TMEM132B: variants seen among roughly 807,000 people sequenced by gnomAD.
TMEM132B encodes the protein transmembrane protein 132B.
In TMEM132B, 18 loss-of-function variants were observed where a neutral mutation model predicts 90.8. That is an observed-to-expected ratio of 0.20 (90% CI 0.14 to 0.29). The LOEUF is 0.29. Among genes scored for constraint, TMEM132B ranks in the 10% least tolerant of loss-of-function variants. The pLI, the probability that TMEM132B is intolerant of heterozygous loss-of-function variation, is 1.00. For synonymous variants in TMEM132B, 504 were observed against 523.3 expected (o/e 0.96, Z 0.50); for missense variants, 1,096 against 1,326.8 (o/e 0.83, Z 2.70).
intron 8 of TMEM132B, among the ~76,000 whole-genome samples, 164 bp downstream of exon 8, chr12:125,652,796 A>C (rs998658222): frequency 2.6e-5 from 4 of 152,254 alleles, no homozygotes; most frequent in African/African-American, 7.2e-5. Flanking sequence ...AAAAGTATTC[A>C]GTGGCTTAGA....
intron 1 of TMEM132B, among the ~76,000 whole-genome samples, chr12:125,243,630 A>C (rs1341508425): frequency 6.6e-6 from 1 of 152,072 alleles, no homozygotes; most frequent in African/African-American, 2.4e-5. Flanking sequence ...GGTGATGTTG[A>C]GGTTTTGAGT....
At chr12:125,486,277 A>G (rs1882199886) in intron 3 of TMEM132B, among the ~76,000 whole-genome samples, 1 of 152,172 alleles carries the variant, frequency 6.6e-6, no homozygotes, top group Admixed American at 6.6e-5. Flanking sequence ...ATTTTGTATC[A>G]TATTATTAGT....
At position 125,238,705 on chromosome 12, in the gene TMEM132B, C is replaced by T. The variant is rs371434093; in HGVS notation, c.67+51839C>T. On this transcript the variant is annotated intron_variant, in intron 1 of 8. Coordinates refer to ENST00000682704, the MANE Select transcript of TMEM132B (RefSeq NM_001366854.1). Reference sequence around the variant, plus strand: ...CCGTGACAGGTGGGGCGGTCAGCACCGACGTTTCACCCACATGGGACGTTT... The same window carrying T: ...CCGTGACAGGTGGGGCGGTCAGCACTGACGTTTCACCCACATGGGACGTTT... 4.9e-4 allele frequency among the ~76,000 whole-genome samples: 74 copies of T among 152,122 alleles called. No individual in the cohort carries two copies. The South Asian group carries it at 0.014, about 30-fold the overall frequency.
At chr12:125,309,569 C>T (rs555211175) in intron 1 of TMEM132B, among the ~76,000 whole-genome samples, 68 of 152,166 alleles carry the variant, frequency 4.5e-4, no homozygotes, top group African/African-American at 7.9e-4. Flanking sequence ...TTTCCATTCT[C>T]GGGGGAAATG....
intron 3 of TMEM132B, among the ~76,000 whole-genome samples, chr12:125,517,087 AG>A (rs574406311): frequency 4.6e-5 from 7 of 152,216 alleles, no homozygotes; most frequent in Non-Finnish European, 1.0e-4. Context: ...CCTGATGGGA[AG>A]GGGGGTCCCA....
At chr12:125,211,679 G>A (rs1211189813) in intron 1 of TMEM132B, among the ~76,000 whole-genome samples, 2 of 152,206 alleles carry the variant, frequency 1.3e-5, no homozygotes, top group African/African-American at 4.8e-5. Context: ...CCTTCCACCC[G>A]CTGCACACGG....
At chr12:125,330,000 C>T (rs1160672119) in intron 1 of TMEM132B, among the ~76,000 whole-genome samples, 1 of 152,220 alleles carries the variant, frequency 6.6e-6, no homozygotes, top group Non-Finnish European at 1.5e-5. Context: ...AATGCAGTAG[C>T]CCTGCTGGCA....
chr12:125,352,051 G>A (rs1369508399), intron 2 of TMEM132B, among the ~76,000 whole-genome samples: 1 of 152,206 alleles, frequency 6.6e-6, no homozygotes, highest in Non-Finnish European at 1.5e-5. Context: ...GCTCCCCCAA[G>A]TAAATCTGTT....
intron 5 of TMEM132B, among the ~76,000 whole-genome samples, chr12:125,611,851 T>C (rs548204946): frequency 6.6e-6 from 1 of 152,314 alleles, no homozygotes; most frequent in South Asian, 2.1e-4. Flanking sequence ...AGCATTTTCC[T>C]TGTACACTTA....
intron 3 of TMEM132B, among the ~76,000 whole-genome samples, chr12:125,434,096 C>G (rs1045987066): frequency 6.6e-6 from 1 of 152,230 alleles, no homozygotes; most frequent in African/African-American, 2.4e-5. Context: ...AGAGTTGCCT[C>G]CCTCCTGACA....
intron 1 of TMEM132B, among the ~76,000 whole-genome samples, chr12:125,279,489 C>G (rs1210030780): frequency 1.3e-5 from 2 of 152,164 alleles, no homozygotes; most frequent in Non-Finnish European, 2.9e-5. Flanking sequence ...TGTGACTAGT[C>G]CCCAATACAA....
intron 5 of TMEM132B, among the ~76,000 whole-genome samples, chr12:125,600,453 T>C (rs375946229): frequency 7.9e-5 from 12 of 152,216 alleles, no homozygotes; most frequent in African/African-American, 2.9e-4. Flanking sequence ...CGTTTGCTTG[T>C]CAACTTGTTA....
intron 3 of TMEM132B, among the ~76,000 whole-genome samples, chr12:125,474,397 G>C (rs996800481): frequency 6.6e-6 from 1 of 151,464 alleles, no homozygotes; most frequent in South Asian, 2.1e-4. Flanking sequence ...CTGGGCTCCA[G>C]TGATTCTCAC....
chr12:125,457,555 C>T (rs1416112784), intron 3 of TMEM132B, among the ~76,000 whole-genome samples: 2 of 152,228 alleles, frequency 1.3e-5, no homozygotes, highest in Non-Finnish European at 2.9e-5. Context: ...AATGCAATTC[C>T]TGTTCTCCAT....
chr12:125,329,456 G>A lies in TMEM132B; in HGVS notation c.68-19996G>A, dbSNP rs1277956079. On this transcript the variant is annotated intron_variant, in intron 1 of 8. Transcript: ENST00000682704. ...GCTGAGTCACTCACCAGGCAGCCCA[G>A]CCAGGCAAGAGGCAGGCTGACTTTC... Among the ~76,000 whole-genome samples the A allele has an allele frequency of 2.0e-5, 3 of 152,186 alleles. No homozygotes were observed. In the East Asian group the frequency reaches 5.8e-4, roughly 29 times the overall value.
chr12:125,434,224 G>A (rs117959696), intron 3 of TMEM132B, among the ~76,000 whole-genome samples: 1 of 152,070 alleles, frequency 6.6e-6, no homozygotes, highest in Non-Finnish European at 1.5e-5. Flanking sequence ...CTCATTCTCC[G>A]ACCCTGACGC....
chr12:125,614,318 A>G (rs1885933925), intron 5 of TMEM132B, among the ~76,000 whole-genome samples: 1 of 152,142 alleles, frequency 6.6e-6, no homozygotes, highest in African/African-American at 2.4e-5. Context: ...ACTTATGTCC[A>G]CGTGTGCTCA....
chr12:125,629,574 TA>T (rs777822313), intron 5 of TMEM132B, among the ~76,000 whole-genome samples: 10 of 152,244 alleles, frequency 6.6e-5, no homozygotes, highest in Non-Finnish European at 8.8e-5. Context: ...TAAGATCATA[TA>T]ATCTGCAACC....
intron 3 of TMEM132B, among the ~76,000 whole-genome samples, chr12:125,419,122 A>G (rs1880101119): frequency 1.3e-5 from 2 of 152,194 alleles, no homozygotes; most frequent in African/African-American, 4.8e-5. Flanking sequence ...TAAAAATTTG[A>G]ATAGAGGCAG....
Sources: allele counts gnomAD v4.1 joint callset (sites outside exome capture counted in the v4.1 genomes callset), GRCh38; gene constraint gnomAD v4.1.1; transcripts MANE v1.5; gene names NCBI Gene and HGNC (gene_info 2026-07-23, HGNC 2026-07-21).